Variants in LRP1 observed in about 807,000 individuals in gnomAD.
LRP1 encodes LDL receptor related protein 1, also known as prolow-density lipoprotein receptor-related protein 1.
Under a neutral mutation model 541.5 loss-of-function variants are expected in LRP1, and 51 were observed. The ratio of observed to expected loss-of-function variants is 0.09; its 90% CI spans 0.08 to 0.12. LRP1 has a LOEUF of 0.12. Among genes scored for constraint, LRP1 ranks in the 10% least tolerant of loss-of-function variants. LRP1 has a pLI of 1.00. For missense variants in LRP1, 3,878 were observed against 6,376.2 expected (o/e 0.61, Z 13.34); for synonymous variants, 2,219 against 2,470.8 (o/e 0.90, Z 3.02).
At chr12:57,171,395 C>T (rs1174277005) in intron 20 of LRP1, among the ~76,000 whole-genome samples, 2 of 152,088 alleles carry the variant, frequency 1.3e-5, no homozygotes, top group Admixed American at 6.5e-5. Flanking sequence ...AGAATGCTGT[C>T]GTCAAGACTT....
chr12:57,207,270 A>AT (rs1042071638), intron 76 of LRP1, among the ~76,000 whole-genome samples: 7 of 139,694 alleles, frequency 5.0e-5, no homozygotes, highest in African/African-American at 1.8e-4. Flanking sequence ...AAATAAATAA[A>AT]TAAATAAATA....
intron 6 of LRP1, among the ~76,000 whole-genome samples, chr12:57,148,156 CTT>C (rs760101626): frequency 3.6e-4 from 47 of 130,580 alleles, no homozygotes; most frequent in Non-Finnish European, 3.8e-4. Context: ...CCTGGACAAG[CTT>C]TTTTTTTTTT....
intron 62 of LRP1, 196 bp downstream of exon 62, chr12:57,200,221 C>T: frequency 1.6e-6 from 1 of 634,588 alleles, no homozygotes; most frequent in Non-Finnish European, 2.8e-6. Flanking sequence ...GACACCTCCA[C>T]ACCCTAACCT....
At position 57,128,867 on chromosome 12, in the gene LRP1, G is replaced by A. The variant is rs1592594207; in HGVS notation, c.-98G>A. 9.9e-7 allele frequency: 1 copy of A among 1,010,198 alleles called. No individual in the cohort carries two copies. The highest frequency in any genetic ancestry group is 2.7e-5 in the East Asian group (1 of 37,368). 62.6% of individuals were successfully genotyped at this position (1,010,198 alleles called of 1,614,324 possible). A position where few individuals can be genotyped will look rare whatever the true frequency, so the allele number is the denominator to read the frequency against. ...GAATAAGAACAGAGAAGGAGGAGGG[G>A]GAAAGGAGGAAAAGGGGGACCCCCC... On this transcript the variant is annotated 5_prime_UTR_variant, in exon 1 of 89. Coordinates refer to ENST00000243077, the MANE Select transcript of LRP1 (RefSeq NM_002332.3).
rs151111324 is a variant in LRP1, at chr12:57,187,334, G to A, written c.6909G>A (p.Thr2303=). ...ACACTCTCTATTGGACAAGCTACACGACATCCACCATCACGCGCCACACAG... is the reference window on the plus strand; with the variant it reads ...ACACTCTCTATTGGACAAGCTACACAACATCCACCATCACGCGCCACACAG... The part of the protein sequence containing the change: ...GWDTLYWTSY[T]TSTITRHTVD... Residue 2303 remains threonine, a synonymous_variant, in exon 42 of 89, where the codon ACG becomes ACA. Coordinates refer to ENST00000243077, the MANE Select transcript of LRP1 (RefSeq NM_002332.3). 53 of 1,614,062 alleles carry A rather than the reference G, an allele frequency of 3.3e-5. No homozygotes were observed. The highest frequency in any genetic ancestry group is 4.4e-5 in the Non-Finnish European group (52 of 1,180,048).
chr12:57,194,807 C>T, intron 50 of LRP1, 108 bp downstream of exon 50: 1 of 1,393,456 alleles, frequency 7.2e-7, no homozygotes, highest in Non-Finnish European at 9.8e-7. Context: ...AGCCTTCAAC[C>T]CCCTGCCCCA....
chr12:57,207,956 C>A lies in LRP1; in HGVS notation c.11860-82C>A, dbSNP rs1211081063. 9.3e-6 allele frequency: 14 copies of A among 1,498,600 alleles called. No homozygotes were observed. The African/African-American group carries it at 1.8e-4, about 19-fold the overall frequency. The allele number at this position is 1,498,600 out of a possible 1,614,324, so 92.8% of individuals were successfully genotyped here. A position where few individuals can be genotyped will look rare whatever the true frequency, so the allele number is the denominator to read the frequency against. ...CTGGCTGTGAGCCTGGGGTGACGTTCCAGCAGGCTGGCAGAGTGGTGGCGG... is the reference window on the plus strand; with the variant it reads ...CTGGCTGTGAGCCTGGGGTGACGTTACAGCAGGCTGGCAGAGTGGTGGCGG... On this transcript the variant is annotated intron_variant, in intron 76 of 88. Coordinates refer to ENST00000243077, the MANE Select transcript of LRP1 (RefSeq NM_002332.3).
Position 57,185,218 on chromosome 12 carries a change from C to T in LRP1, c.6463+13C>T, listed in dbSNP as rs1245807371. 2 of 1,613,716 alleles carry T rather than the reference C, an allele frequency of 1.2e-6. No homozygotes were observed. Among genetic ancestry groups the T allele is most frequent in the Admixed American group, 1.7e-5 (1 of 59,980 alleles). On this transcript the variant is annotated intron_variant, in intron 40 of 88. Coordinates refer to ENST00000243077, the MANE Select transcript of LRP1 (RefSeq NM_002332.3). The surrounding 1 kb of genome is among the most constrained non-coding windows in gnomAD (Gnocchi z 4.9). ...GACCGGCAGAAAGGTGAGGCTGGGG[C>T]TCTGGGCTGGGGTGGAGAGGTGAGG...
chr12:57,167,655 G>T lies in LRP1; in HGVS notation c.2995+131G>T, dbSNP rs1029844356. 9 of 722,224 alleles carry T rather than the reference G, an allele frequency of 1.2e-5. No individual in the cohort carries two copies. In the African/African-American group the frequency reaches 1.4e-4, roughly 11 times the overall value. 44.7% of individuals were successfully genotyped at this position (722,224 alleles called of 1,614,324 possible). ...CAGGACACTGAATCCCTGCTGGGTTGCCTGGGAGAAAACAGGAGAAGTCAG... is the reference window on the plus strand; with the variant it reads ...CAGGACACTGAATCCCTGCTGGGTTTCCTGGGAGAAAACAGGAGAAGTCAG... On this transcript the variant is annotated intron_variant, in intron 19 of 88. Transcript: ENST00000243077.
At position 57,204,144 on chromosome 12, in the gene LRP1, A is replaced by C; in HGVS notation, c.10952-266A>C. On this transcript the variant is annotated intron_variant, in intron 70 of 88. Coordinates refer to ENST00000243077, the MANE Select transcript of LRP1 (RefSeq NM_002332.3). This position sits in a 1 kb window ranked among gnomAD's most constrained non-coding sequence, Gnocchi z 5.3. ...GCTGTTCCCACGTCCCCGCTGTGGA[A>C]CTACACAGCACAGTGCCCTGCCACA... 1 of 366,390 alleles carries C rather than the reference A, an allele frequency of 2.7e-6. No individual in the cohort carries two copies. The highest frequency in any genetic ancestry group is 4.9e-6 in the Non-Finnish European group (1 of 203,390). The allele number at this position is 366,390 out of a possible 1,614,324, so 22.7% of individuals were successfully genotyped here.
At chr12:57,151,118 TAG>T (rs1469517262) in intron 6 of LRP1, among the ~76,000 whole-genome samples, 7 of 152,274 alleles carry the variant, frequency 4.6e-5, no homozygotes, top group African/African-American at 1.7e-4. Context: ...CAGCTGAAGC[TAG>T]AGTCTTTTTG....
In LRP1 at chr12:57,185,726, T is replaced by G; in HGVS notation, c.6659T>G (p.Leu2220Arg). The part of the protein sequence containing the change: ...KSIHLSDERN[L>R]NAPVQPFEDP... ...ATCCACCTGTCGGATGAGCGCAACCTCAATGCGCCCGTGCAGCCCTTCGAG... is the reference window on the plus strand; with the variant it reads ...ATCCACCTGTCGGATGAGCGCAACCGCAATGCGCCCGTGCAGCCCTTCGAG... The change falls in exon 41 of 89, where the codon CTC becomes CGC. Residue 2220 changes from leucine (L) to arginine (R), a missense_variant. This residue lies in a region of LRP1 where 1,100 missense variants were observed against 1,827.4 expected (regional missense o/e 0.60). Coordinates refer to ENST00000243077, the MANE Select transcript of LRP1 (RefSeq NM_002332.3). The surrounding 1 kb of genome is among the most constrained non-coding windows in gnomAD (Gnocchi z 4.9). The G allele has an allele frequency of 6.2e-7, 1 of 1,614,132 alleles. No individual in the cohort carries two copies. Among genetic ancestry groups the G allele is most frequent in the South Asian group, 1.1e-5 (1 of 91,080 alleles).
chr12:57,152,904 C>A (rs937427631), intron 6 of LRP1, among the ~76,000 whole-genome samples: 1 of 152,132 alleles, frequency 6.6e-6, no homozygotes, highest in African/African-American at 2.4e-5. Context: ...TTGCCCCCAC[C>A]CCACCCTCAC....
At position 57,191,475 on chromosome 12, in the gene LRP1, C is replaced by A. The variant is rs776823727; in HGVS notation, c.7392C>A (p.Pro2464=). The A allele has an allele frequency of 6.2e-7, 1 of 1,603,570 alleles. No individual in the cohort carries two copies. The highest frequency in any genetic ancestry group is 8.5e-7 in the Non-Finnish European group (1 of 1,172,196). The change falls in exon 44 of 89, where the codon CCC becomes CCA. Residue 2464 remains proline (P), a synonymous_variant. Transcript: ENST00000243077. ...TGCGCGTGGACATCCCCCAGCAGCC[C>A]ATGGGCATCATCGCCGTGGCCAACG... ...KLLRVDIPQQ[P]MGIIAVANDT... is the part of the protein sequence containing the mutation.
intron 1 of LRP1, among the ~76,000 whole-genome samples, chr12:57,134,470 G>A (rs1190886841): frequency 2.0e-5 from 3 of 152,054 alleles, no homozygotes; most frequent in Non-Finnish European, 4.4e-5. Context: ...TTTTGTTTTT[G>A]AGACACAGTC....
At chr12:57,182,860 G>T (rs2036193310) in intron 34 of LRP1, among the ~76,000 whole-genome samples, 2 of 152,148 alleles carry the variant, frequency 1.3e-5, no homozygotes, top group Admixed American at 1.3e-4. Flanking sequence ...AAAAGAAAAA[G>T]AAATGGGATA....
chr12:57,159,545 G>A (rs2035686748), intron 11 of LRP1, among the ~76,000 whole-genome samples: 1 of 152,330 alleles, frequency 6.6e-6, no homozygotes, highest in South Asian at 2.1e-4. Flanking sequence ...CGGGCCAGAT[G>A]CCCTCACACG....
rs755406427 is a variant in LRP1, at chr12:57,212,029, G to T, written c.13349+12G>T. The T allele has an allele frequency of 6.2e-7, 1 of 1,614,004 alleles. No homozygotes were observed. On this transcript the variant is annotated intron_variant, in intron 87 of 88. Coordinates refer to ENST00000243077, the MANE Select transcript of LRP1 (RefSeq NM_002332.3). This position sits in a 1 kb window ranked among gnomAD's most constrained non-coding sequence, Gnocchi z 5.0. ...CGGCGAGTCCAAGGGTGAGTCACAG[G>T]GATTCTGGAACATTCTGGTCATTAT...
intron 76 of LRP1, among the ~76,000 whole-genome samples, chr12:57,207,242 C>A (rs1184169520): frequency 1.5e-5 from 2 of 134,508 alleles, no homozygotes; most frequent in African/African-American, 5.6e-5. Context: ...GACTCGGTCT[C>A]TAAATAAATA....
Sources: gnomAD v4.1 joint callset for allele counts (sites outside exome capture counted in the v4.1 genomes callset) on GRCh38, gnomAD v4.1.1 for gene constraint, gnomAD v4.1.1 regional missense constraint, Gnocchi (gnomAD v3.1) non-coding constraint, MANE v1.5 for transcripts, NCBI Gene and HGNC (gene_info 2026-07-23, HGNC 2026-07-21) for gene names.